The following CDYL variants were observed in gnomAD, a reference collection of about 807,000 sequenced individuals.
CDYL encodes the protein chromodomain Y-like protein.
A neutral mutation model predicts 47.3 loss-of-function variants in CDYL; 8 were observed. The observed-to-expected ratio is 0.17, with a 90% CI of 0.10 to 0.31. The LOEUF is 0.31. Among genes scored for constraint, CDYL ranks in the 10% least tolerant of loss-of-function variants. CDYL has a pLI of 1.00. For missense variants in CDYL, 471 were observed against 701.4 expected, an observed-to-expected ratio of 0.67 and a Z score of 3.71; for synonymous variants, 266 against 265.0, an observed-to-expected ratio of 1.00 and a Z score of -0.04.
chr6:4,877,862 T>G (rs1176435371), intron 1 of CDYL, among the ~76,000 whole-genome samples: 1 of 152,226 alleles, frequency 6.6e-6, no homozygotes, highest in African/African-American at 2.4e-5. Flanking sequence ...GGTTTCCACA[T>G]AAAAGCTTGC....
chr6:4,903,531 C>T (rs891654739), intron 2 of CDYL, among the ~76,000 whole-genome samples: 4 of 152,150 alleles, frequency 2.6e-5, no homozygotes, highest in Middle Eastern at 3.2e-3. Flanking sequence ...TGAACTTCAA[C>T]AACAAGTGAA....
intron 3 of CDYL, among the ~76,000 whole-genome samples, chr6:4,754,940 T>C (rs1439888364): frequency 6.6e-6 from 1 of 152,224 alleles, no homozygotes; most frequent in African/African-American, 2.4e-5. Flanking sequence ...TGCTTACTTC[T>C]TTTTTGAAAT....
chr6:4,727,465 C>G (rs1022954124), intron 2 of CDYL, among the ~76,000 whole-genome samples: 2 of 152,108 alleles, frequency 1.3e-5, no homozygotes, highest in African/African-American at 4.8e-5. Flanking sequence ...TGAGTTAGGA[C>G]AGAACAAGGA....
At chr6:4,927,550 G>A (rs537294816) in intron 2 of CDYL, among the ~76,000 whole-genome samples, 2 of 151,700 alleles carry the variant, frequency 1.3e-5, no homozygotes, top group Admixed American at 6.6e-5. Context: ...TGAGTAGCTG[G>A]GACTACAGGC....
At chr6:4,783,417 C>CTATT (rs529734493) in intron 1 of CDYL, among the ~76,000 whole-genome samples, 2 of 137,416 alleles carry the variant, frequency 1.5e-5, no homozygotes, top group African/African-American at 5.4e-5. Flanking sequence ...ATTCTTGAGA[C>CTATT]TTTTTTTTTT....
At chr6:4,792,445 T>G (rs1047091786) in intron 1 of CDYL, among the ~76,000 whole-genome samples, 1 of 151,654 alleles carries the variant, frequency 6.6e-6, no homozygotes, top group African/African-American at 2.4e-5. Flanking sequence ...TTTTTTTTTT[T>G]TTTTGAGACA....
At chr6:4,728,921 A>C (rs1757558191) in intron 2 of CDYL, among the ~76,000 whole-genome samples, 1 of 152,124 alleles carries the variant, frequency 6.6e-6, no homozygotes, top group African/African-American at 2.4e-5. Flanking sequence ...AATTTAGTAC[A>C]TACCAGGGTG....
intron 1 of CDYL, among the ~76,000 whole-genome samples, chr6:4,860,451 T>A (rs1761132117): frequency 6.6e-6 from 1 of 150,634 alleles, no homozygotes; most frequent in South Asian, 2.1e-4. Context: ...GGGAGCTTGT[T>A]AGCAATTATA....
intron 2 of CDYL, among the ~76,000 whole-genome samples, chr6:4,911,269 A>G (rs1757406875): frequency 6.6e-6 from 1 of 152,254 alleles, no homozygotes; most frequent in Non-Finnish European, 1.5e-5. Flanking sequence ...CAGGGTATGC[A>G]TGCCGTGGCA....
rs35154777 is a variant in CDYL, at chr6:4,716,593, ATTT to A, written c.103+730_103+732del. On this transcript the variant is annotated intron_variant, in intron 2 of 8. Transcript: ENST00000328908. ...ACAAGCGTCAGAGAAGGCAGCAATAATTTTTTTTTTTTTTTTTTTTGCCTCATC... is the reference window on the plus strand; with the variant it reads ...ACAAGCGTCAGAGAAGGCAGCAATAATTTTTTTTTTTTTTTTTGCCTCATC... Among the ~76,000 whole-genome samples, 608 of 119,950 alleles carry A rather than the reference ATTT, an allele frequency of 5.1e-3. 7 individuals are homozygous for A. Among genetic ancestry groups the A allele is most frequent in the African/African-American group, 0.018 (554 of 30,984 alleles). 78.7% of individuals were successfully genotyped at this position (119,950 alleles called of 152,430 possible).
chr6:4,842,081 A>G (rs548020709), intron 1 of CDYL, among the ~76,000 whole-genome samples: 255 of 143,122 alleles, frequency 1.8e-3, no homozygotes, highest in African/African-American at 5.8e-3. Flanking sequence ...ATATATAATT[A>G]TATATTATTT....
At chr6:4,919,580 T>G (rs115718726) in intron 2 of CDYL, among the ~76,000 whole-genome samples, 2,114 of 152,272 alleles carry the variant, frequency 0.014, 45 homozygotes, top group African/African-American at 0.049. Flanking sequence ...TTTTGGAGCA[T>G]TATTCAAAAA....
intron 3 of CDYL, among the ~76,000 whole-genome samples, chr6:4,738,264 C>A (rs1757738021): frequency 6.6e-6 from 1 of 152,138 alleles, no homozygotes; most frequent in Non-Finnish European, 1.5e-5. Context: ...GTAATCCCAA[C>A]TACTAGGGAG....
intron 1 of CDYL, among the ~76,000 whole-genome samples, chr6:4,848,939 C>T (rs1268052913): frequency 6.6e-6 from 1 of 152,136 alleles, no homozygotes; most frequent in African/African-American, 2.4e-5. Flanking sequence ...GTTAATAATA[C>T]TTGAGTCATT....
intron 2 of CDYL, among the ~76,000 whole-genome samples, chr6:4,900,295 T>C (rs182066736): frequency 2.0e-5 from 3 of 152,370 alleles, no homozygotes; most frequent in African/African-American, 7.2e-5. Context: ...TTTTATGTTT[T>C]AAACTTTATA....
intron 2 of CDYL, among the ~76,000 whole-genome samples, chr6:4,910,407 C>A (rs1757376149): frequency 6.6e-6 from 1 of 152,194 alleles, no homozygotes. Flanking sequence ...GCCTTTAACT[C>A]CCTTCATACT....
intron 1 of CDYL, among the ~76,000 whole-genome samples, chr6:4,891,336 GC>G: frequency 6.6e-6 from 1 of 152,248 alleles, no homozygotes; most frequent in Middle Eastern, 3.4e-3. Flanking sequence ...TTGCCTGGGT[GC>G]CCGCTGCTGG....
chr6:4,767,913 A>C (rs1413870189), intron 3 of CDYL, among the ~76,000 whole-genome samples: 1 of 151,892 alleles, frequency 6.6e-6, no homozygotes, highest in Non-Finnish European at 1.5e-5. Context: ...TATTGCAATA[A>C]TTCCCTAACC....
At chr6:4,921,485 T>C (rs1183256621) in intron 2 of CDYL, among the ~76,000 whole-genome samples, 1 of 152,240 alleles carries the variant, frequency 6.6e-6, no homozygotes, top group Non-Finnish European at 1.5e-5. Context: ...TTTTATTTTT[T>C]CTCCTTAAGC....
Sources: allele counts gnomAD v4.1 joint callset (sites outside exome capture counted in the v4.1 genomes callset), GRCh38; gene constraint gnomAD v4.1.1; transcripts MANE v1.5; gene names NCBI Gene and HGNC (gene_info 2026-07-23, HGNC 2026-07-21).